KATNAL2: variants seen among roughly 807,000 people sequenced by gnomAD.
The protein encoded by KATNAL2 is katanin p60 ATPase-containing subunit A-like 2.
KATNAL2 carries 52 observed loss-of-function variants against 76.3 expected under a neutral mutation model. That is an observed-to-expected ratio of 0.68 (90% confidence interval 0.55 to 0.86). KATNAL2 has a LOEUF of 0.86. KATNAL2 is among the 40% of genes least tolerant of loss of function. KATNAL2 has a pLI of 0.00. For synonymous variants in KATNAL2, 243 were observed against 244.2 expected (o/e 1.00, Z 0.05); for missense variants, 660 against 668.9 (o/e 0.99, Z 0.15).
At chr18:47,050,195 T>TC (rs112946549) in intron 4 of KATNAL2, among the ~76,000 whole-genome samples, 4 of 151,952 alleles carry the variant, frequency 2.6e-5, no homozygotes, top group African/African-American at 9.7e-5. Context: ...TCTTTTTTTT[T>TC]TCTCAGACCA....
intron 3 of KATNAL2, among the ~76,000 whole-genome samples, chr18:47,031,611 G>A (rs548967155): frequency 4.9e-4 from 75 of 152,188 alleles, no homozygotes; most frequent in African/African-American, 1.0e-3. Context: ...CAGGAGAATC[G>A]TAGTGTAATA....
intron 6 of KATNAL2, 124 bp downstream of exon 6, chr18:47,054,562 C>T (rs901231034): frequency 1.1e-6 from 1 of 935,022 alleles, no homozygotes; most frequent in Non-Finnish European, 1.7e-6. Flanking sequence ...AGTCATGTGA[C>T]CTGGCCCAGC....
At chr18:47,069,053 T>A (rs140201202) in intron 11 of KATNAL2, among the ~76,000 whole-genome samples, 167 bp from the exon 12 acceptor site, 11 of 152,254 alleles carry the variant, frequency 7.2e-5, no homozygotes, top group Admixed American at 2.0e-4. Context: ...TTGGGATGAA[T>A]AAGATCTGTT....
chr18:46,937,213 C>T (rs1293908233), intron 1 of KATNAL2, among the ~76,000 whole-genome samples: 1 of 152,022 alleles, frequency 6.6e-6, no homozygotes, highest in Non-Finnish European at 1.5e-5. Context: ...CGCATAACCC[C>T]AGTTTTTCAT....
chr18:47,051,214 C>T (rs2061331343), intron 4 of KATNAL2, among the ~76,000 whole-genome samples: 1 of 152,038 alleles, frequency 6.6e-6, no homozygotes, highest in African/African-American at 2.4e-5. Context: ...TCACTTGAGA[C>T]CAGACGTTCG....
intron 15 of KATNAL2, among the ~76,000 whole-genome samples, chr18:47,092,869 C>T (rs2063061825): frequency 6.6e-6 from 1 of 152,198 alleles, no homozygotes; most frequent in African/African-American, 2.4e-5. Flanking sequence ...ATAAAGAGTA[C>T]ATGGGAGGTA....
chr18:46,961,466 T>G (rs1799803441), intron 3 of KATNAL2, among the ~76,000 whole-genome samples: 1 of 152,220 alleles, frequency 6.6e-6, no homozygotes, highest in African/African-American at 2.4e-5. Flanking sequence ...TAAACAAAGG[T>G]AGCAACAAAA....
chr18:47,034,547 G>A lies in KATNAL2; in HGVS notation c.52-11910G>A, dbSNP rs555572815. 81 of 1,614,204 alleles carry A rather than the reference G, an allele frequency of 5.0e-5. No individual in the cohort carries two copies. The South Asian group carries it at 8.2e-4, about 16-fold the overall frequency. Reference sequence around the variant, plus strand: ...AAAGTAGGGGAGTGCCAATCTCCCTGGGCACACAAGGGGCGTTTTTCCTGG... The same window carrying A: ...AAAGTAGGGGAGTGCCAATCTCCCTAGGCACACAAGGGGCGTTTTTCCTGG... On this transcript the variant is annotated intron_variant, in intron 3 of 17. Coordinates refer to ENST00000683218, the MANE Select transcript of KATNAL2 (RefSeq NM_001387690.1).
intron 1 of KATNAL2, among the ~76,000 whole-genome samples, chr18:46,928,058 A>G (rs1041240209): frequency 1.3e-5 from 2 of 152,052 alleles, no homozygotes; most frequent in Non-Finnish European, 2.9e-5. Context: ...GAGTAGTTTG[A>G]TCGTCTGAAG....
intron 12 of KATNAL2, 57 bp downstream of exon 12, chr18:47,069,340 T>G: frequency 6.8e-7 from 1 of 1,471,792 alleles, no homozygotes; most frequent in South Asian, 1.2e-5. Flanking sequence ...GAGGATGAGT[T>G]GCCCCTTCTG....
chr18:47,071,970 T>C (rs2062024550), intron 13 of KATNAL2, among the ~76,000 whole-genome samples: 1 of 113,972 alleles, frequency 8.8e-6, no homozygotes, highest in Non-Finnish European at 1.8e-5. Context: ...TTTTTTTTTT[T>C]TTTTTTTTTT....
At chr18:46,944,361 A>G (rs1002034657) in intron 1 of KATNAL2, among the ~76,000 whole-genome samples, 1 of 152,232 alleles carries the variant, frequency 6.6e-6, no homozygotes, top group Non-Finnish European at 1.5e-5. Context: ...AATACAAATA[A>G]AAAACGCGGT....
At chr18:47,061,418 T>C (rs115919943) in intron 8 of KATNAL2, among the ~76,000 whole-genome samples, 1,607 of 152,194 alleles carry the variant, frequency 0.011, 19 homozygotes, top group East Asian at 0.037. Flanking sequence ...CGTGAACTAA[T>C]AGAGTGAGAA....
intron 6 of KATNAL2, among the ~76,000 whole-genome samples, chr18:47,056,873 A>G (rs1006330467): frequency 7.2e-5 from 11 of 152,096 alleles, no homozygotes; most frequent in African/African-American, 2.7e-4. Flanking sequence ...ACTTCTCTTG[A>G]GTCAACACTA....
intron 3 of KATNAL2, 141 bp downstream of exon 3, chr18:46,947,064 G>T: frequency 1.5e-6 from 1 of 684,838 alleles, no homozygotes; most frequent in Admixed American, 2.2e-5. Context: ...GCGCTCGGCC[G>T]AGGTGGTTAA....
At chr18:46,933,800 C>G (rs1317191485) in intron 1 of KATNAL2, among the ~76,000 whole-genome samples, 1 of 114,382 alleles carries the variant, frequency 8.7e-6, no homozygotes, top group African/African-American at 3.4e-5. Context: ...CCTCCCCCCA[C>G]CCCATAACAG....
chr18:46,961,890 T>A (rs1204685050), intron 3 of KATNAL2, among the ~76,000 whole-genome samples: 3 of 152,196 alleles, frequency 2.0e-5, no homozygotes, highest in Non-Finnish European at 2.9e-5. Context: ...TATGATATGA[T>A]TGAGAATGTA....
chr18:46,950,936 G>A (rs532490314), intron 3 of KATNAL2, among the ~76,000 whole-genome samples: 2 of 152,142 alleles, frequency 1.3e-5, no homozygotes, highest in East Asian at 1.9e-4. Flanking sequence ...TGCCTGCCTC[G>A]GCCTCCCAAA....
At chr18:47,062,933 T>C in intron 8 of KATNAL2, 39 bp from the exon 9 acceptor site, 1 of 1,505,514 alleles carries the variant, frequency 6.6e-7, no homozygotes, top group South Asian at 1.1e-5. Context: ...AGTCTTCTCT[T>C]ATGTTCTCAT....
Sources: gnomAD v4.1 joint callset for allele counts (sites outside exome capture counted in the v4.1 genomes callset) on GRCh38, gnomAD v4.1.1 for gene constraint, MANE v1.5 for transcripts, NCBI Gene and HGNC (gene_info 2026-07-23, HGNC 2026-07-21) for gene names.